UBR3: variants seen among roughly 807,000 people sequenced by gnomAD.
UBR3 encodes the protein ubiquitin protein ligase E3 component n-recognin 3.
A neutral mutation model predicts 243.2 loss-of-function variants in UBR3; 85 were observed. That is an observed-to-expected ratio of 0.35 (90% CI 0.29 to 0.42). UBR3 has a LOEUF of 0.42. UBR3 is among the 10% of genes least tolerant of loss of function. The pLI is 1.00. For missense variants in UBR3, 1,686 were observed against 2,300.8 expected, an observed-to-expected ratio of 0.73 and a Z score of 5.47; for synonymous variants, 748 against 799.8, an observed-to-expected ratio of 0.94 and a Z score of 1.09.
intron 1 of UBR3, among the ~76,000 whole-genome samples, chr2:169,844,787 C>CAA (rs1326328703): frequency 1.3e-5 from 2 of 152,124 alleles, no homozygotes; most frequent in Non-Finnish European, 2.9e-5. Context: ...GGAGCCATCG[C>CAA]GCCTGGCTGG....
intron 17 of UBR3, among the ~76,000 whole-genome samples, chr2:169,928,168 A>G (rs1276768110): frequency 6.6e-6 from 1 of 152,142 alleles, no homozygotes; most frequent in African/African-American, 2.4e-5. Flanking sequence ...ATTATGAACT[A>G]TGTGTCAGTG....
intron 35 of UBR3, among the ~76,000 whole-genome samples, chr2:170,070,965 GAATA>G (rs1387949179): frequency 1.3e-5 from 2 of 152,092 alleles, no homozygotes; most frequent in Non-Finnish European, 1.5e-5. Context: ...CAAAACACTT[GAATA>G]GATACTTCTT....
chr2:169,882,766 A>G (rs918925693), intron 5 of UBR3, among the ~76,000 whole-genome samples: 7 of 151,972 alleles, frequency 4.6e-5, no homozygotes, highest in African/African-American at 1.7e-4. Context: ...AAGAAAAGTC[A>G]TGTGATACAA....
chr2:169,935,573 C>G (rs1220853308), intron 19 of UBR3, among the ~76,000 whole-genome samples: 1 of 152,186 alleles, frequency 6.6e-6, no homozygotes, highest in African/African-American at 2.4e-5. Flanking sequence ...CTGTAAAGTA[C>G]ATTTTTTAAA....
At chr2:169,896,922 A>G (rs1041563418) in intron 8 of UBR3, among the ~76,000 whole-genome samples, 187 bp downstream of exon 8, 3 of 152,164 alleles carry the variant, frequency 2.0e-5, no homozygotes, top group African/African-American at 7.2e-5. Flanking sequence ...ATTATAAAAT[A>G]ATACATGTTT....
intron 1 of UBR3, among the ~76,000 whole-genome samples, chr2:169,841,997 T>G (rs2082309943): frequency 6.6e-6 from 1 of 152,246 alleles, no homozygotes; most frequent in Non-Finnish European, 1.5e-5. Flanking sequence ...GCTGGGCTCC[T>G]GAGTCTGGTG....
intron 10 of UBR3, among the ~76,000 whole-genome samples, chr2:169,906,649 C>T (rs2085021720): frequency 6.6e-6 from 1 of 152,056 alleles, no homozygotes; most frequent in Non-Finnish European, 1.5e-5. Context: ...AAACTAAAGA[C>T]TTGACTAAAA....
chr2:169,892,660 TTCAAAAACTGACCTTATTTTGAAGATA>T (rs1326157929), intron 6 of UBR3, among the ~76,000 whole-genome samples: 1 of 152,208 alleles, frequency 6.6e-6, no homozygotes, highest in Non-Finnish European at 1.5e-5. Context: ...CCCAGGTGTT[TTCAAAAACTGACCTTATTTTGAAGATA>T]TCTGAAGTTT....
intron 35 of UBR3, among the ~76,000 whole-genome samples, chr2:170,065,900 TG>T (rs548582961): frequency 9.9e-5 from 15 of 152,046 alleles, no homozygotes; most frequent in Non-Finnish European, 1.8e-4. Flanking sequence ...AGTACTATTT[TG>T]AGCCGTGGAA....
At chr2:169,989,940 A>AT (rs2089200337) in intron 25 of UBR3, among the ~76,000 whole-genome samples, 1 of 152,010 alleles carries the variant, frequency 6.6e-6, no homozygotes, top group Non-Finnish European at 1.5e-5. Context: ...GTCTTTCTAC[A>AT]TTTTTTGGTG....
chr2:169,999,446 G>A (rs1043825452), intron 26 of UBR3, among the ~76,000 whole-genome samples: 9 of 152,018 alleles, frequency 5.9e-5, no homozygotes, highest in South Asian at 2.1e-4. Flanking sequence ...ATTTAATATC[G>A]GAACTTTGTT....
chr2:169,855,690 C>G (rs2082818269), intron 1 of UBR3, among the ~76,000 whole-genome samples: 1 of 152,206 alleles, frequency 6.6e-6, no homozygotes, highest in African/African-American at 2.4e-5. Flanking sequence ...TAACAGCATC[C>G]CAAGGCAGAA....
intron 24 of UBR3, among the ~76,000 whole-genome samples, chr2:169,966,657 T>C (rs1279780331): frequency 1.3e-5 from 2 of 152,318 alleles, no homozygotes; most frequent in South Asian, 2.1e-4. Flanking sequence ...CCACACTCCA[T>C]TGCCTCGAGT....
intron 10 of UBR3, among the ~76,000 whole-genome samples, 196 bp from the exon 11 acceptor site, chr2:169,913,864 G>A (rs1018863156): frequency 1.3e-5 from 2 of 151,980 alleles, no homozygotes; most frequent in African/African-American, 2.4e-5. Flanking sequence ...AAAAGGAAGC[G>A]TATTGACTTA....
At chr2:169,837,417 G>A (rs1165893506) in intron 1 of UBR3, among the ~76,000 whole-genome samples, 2 of 152,190 alleles carry the variant, frequency 1.3e-5, no homozygotes, top group Non-Finnish European at 2.9e-5. Context: ...CAGAGGTTGC[G>A]GTGAGCCGCG....
intron 24 of UBR3, among the ~76,000 whole-genome samples, chr2:169,985,224 C>CTTTTTT (rs71006060): frequency 1.1e-4 from 12 of 113,102 alleles, no homozygotes; most frequent in Non-Finnish European, 1.5e-4. Flanking sequence ...CAACTCTTTT[C>CTTTTTT]TTTTTTTTTT....
chr2:169,966,863 A>G (rs189659111), intron 24 of UBR3, among the ~76,000 whole-genome samples: 8 of 152,260 alleles, frequency 5.3e-5, no homozygotes, highest in Non-Finnish European at 1.0e-4. Flanking sequence ...ATTCACCCAC[A>G]AGTGGACTGT....
At chr2:169,948,059 G>C in intron 22 of UBR3, 1 of 517,164 alleles carries the variant, frequency 1.9e-6, no homozygotes, top group Non-Finnish European at 2.5e-6. Flanking sequence ...TTTAAAAGAA[G>C]GTTTCTTGGA....
At chr2:169,858,103 A>G (rs2082954808) in intron 1 of UBR3, among the ~76,000 whole-genome samples, 1 of 152,112 alleles carries the variant, frequency 6.6e-6, no homozygotes, top group Admixed American at 6.5e-5. Context: ...CATAGTTTCT[A>G]TGGGCCACGA....
Sources: allele counts gnomAD v4.1 joint callset (sites outside exome capture counted in the v4.1 genomes callset), GRCh38; gene constraint gnomAD v4.1.1; transcripts MANE v1.5; gene names NCBI Gene and HGNC (gene_info 2026-07-23, HGNC 2026-07-21).